Variants in CNTNAP5 observed in about 807,000 individuals in gnomAD.
CNTNAP5 encodes the protein contactin-associated protein-like 5.
A neutral mutation model predicts 150.2 loss-of-function variants in CNTNAP5; 72 were observed. That is an observed-to-expected ratio of 0.48 (90% CI 0.40 to 0.58). CNTNAP5 has a LOEUF of 0.58. Among genes scored for constraint, CNTNAP5 ranks in the 20% least tolerant of loss-of-function variants. The pLI, the probability that CNTNAP5 is intolerant of heterozygous loss-of-function variation, is 0.00. For synonymous variants in CNTNAP5, 672 were observed against 619.8 expected, an observed-to-expected ratio of 1.08 and a Z score of -1.25; for missense variants, 1,636 against 1,626.2, an observed-to-expected ratio of 1.01 and a Z score of -0.10.
At chr2:124,472,999 G>A (rs1693553054) in intron 6 of CNTNAP5, among the ~76,000 whole-genome samples, 2 of 151,924 alleles carry the variant, frequency 1.3e-5, no homozygotes, top group African/African-American at 4.8e-5. Flanking sequence ...AATAACTAAA[G>A]AGTATATGAT....
At chr2:124,407,469 C>A (rs913780540) in intron 3 of CNTNAP5, among the ~76,000 whole-genome samples, 1 of 152,058 alleles carries the variant, frequency 6.6e-6, no homozygotes, top group East Asian at 1.9e-4. Flanking sequence ...TGGCAGGATA[C>A]TAGAAAGAAA....
intron 3 of CNTNAP5, among the ~76,000 whole-genome samples, chr2:124,253,076 A>G (rs1001642278): frequency 7.9e-5 from 12 of 151,804 alleles, no homozygotes; most frequent in African/African-American, 2.9e-4. Flanking sequence ...AGATTTAAAT[A>G]CAGTAAGTTC....
rs189817679 is a variant in CNTNAP5 at position 124,897,439 on chromosome 2, G to A, written c.3437-5443G>A. 1.4e-3 allele frequency among the ~76,000 whole-genome samples: 205 copies of A among 151,608 alleles called. 6 individuals are homozygous for A. The highest frequency in any genetic ancestry group is 4.9e-3 in the African/African-American group (199 of 40,988). ...AGTCCACTATCAAACATGGAGCTGT[G>A]TCTAGGTGGCCAATAATTAGATGTA... is the stretch of plus-strand genomic sequence containing the variant. On this transcript the variant is annotated intron_variant, in intron 21 of 23. Coordinates refer to ENST00000682447, the MANE Select transcript of CNTNAP5 (RefSeq NM_001367498.1).
intron 7 of CNTNAP5, among the ~76,000 whole-genome samples, chr2:124,500,062 A>G (rs990799421): frequency 6.6e-6 from 1 of 152,100 alleles, no homozygotes; most frequent in Non-Finnish European, 1.5e-5. Context: ...AGGAAAAAAA[A>G]AAGTACAAAT....
chr2:124,475,829 T>C (rs778350747), intron 7 of CNTNAP5, among the ~76,000 whole-genome samples: 11 of 152,158 alleles, frequency 7.2e-5, no homozygotes, highest in Non-Finnish European at 1.2e-4. Flanking sequence ...TCATGTTTTT[T>C]AATTCATGCT....
intron 1 of CNTNAP5, among the ~76,000 whole-genome samples, chr2:124,044,889 A>AACACAC (rs147761848): frequency 0.049 from 7,043 of 143,960 alleles, 221 homozygotes; most frequent in South Asian, 0.14. Context: ...GTAGTGAGGA[A>AACACAC]ACACACACAC....
At chr2:124,841,241 T>G (rs1682938762) in intron 19 of CNTNAP5, among the ~76,000 whole-genome samples, 2 of 152,038 alleles carry the variant, frequency 1.3e-5, no homozygotes, top group Admixed American at 6.6e-5. Context: ...TAAAAAAAAG[T>G]CATAGCTCAA....
intron 19 of CNTNAP5, among the ~76,000 whole-genome samples, chr2:124,847,413 C>T (rs956095022): frequency 6.6e-6 from 1 of 152,112 alleles, no homozygotes; most frequent in African/African-American, 2.4e-5. Flanking sequence ...AGTCACAGGC[C>T]TCACCCCACT....
At chr2:124,563,740 T>C (rs1695946908) in intron 11 of CNTNAP5, among the ~76,000 whole-genome samples, 2 of 152,218 alleles carry the variant, frequency 1.3e-5, no homozygotes, top group African/African-American at 2.4e-5. Flanking sequence ...ATACCCATCA[T>C]GCATGACAAA....
chr2:124,287,255 TG>T (rs951690067), intron 3 of CNTNAP5, among the ~76,000 whole-genome samples: 4 of 152,178 alleles, frequency 2.6e-5, no homozygotes, highest in African/African-American at 9.7e-5. Flanking sequence ...AATGAGGAAA[TG>T]GGGTTCATGG....
At chr2:124,653,242 A>T (rs1678359668) in intron 13 of CNTNAP5, among the ~76,000 whole-genome samples, 1 of 152,172 alleles carries the variant, frequency 6.6e-6, no homozygotes, top group Non-Finnish European at 1.5e-5. Flanking sequence ...AAGGGACAGC[A>T]TGCTATTTAT....
intron 3 of CNTNAP5, among the ~76,000 whole-genome samples, chr2:124,317,019 A>C (rs1352090294): frequency 3.3e-5 from 5 of 152,044 alleles, no homozygotes; most frequent in Admixed American, 3.3e-4. Context: ...TGGGTTTTAG[A>C]AAGGTTATGT....
intron 22 of CNTNAP5, among the ~76,000 whole-genome samples, chr2:124,906,854 T>A (rs924234161): frequency 6.6e-6 from 1 of 152,180 alleles, no homozygotes; most frequent in African/African-American, 2.4e-5. Flanking sequence ...TTCTTTCAGG[T>A]AATTCTTGTG....
At chr2:124,717,261 C>T (rs981237417) in intron 13 of CNTNAP5, among the ~76,000 whole-genome samples, 24 of 152,234 alleles carry the variant, frequency 1.6e-4, no homozygotes, top group Non-Finnish European at 2.5e-4. Flanking sequence ...TCAGAGGCTG[C>T]GTGCTGCCAG....
chr2:124,808,780 G>A (rs1026475091), intron 19 of CNTNAP5, among the ~76,000 whole-genome samples: 6 of 152,086 alleles, frequency 3.9e-5, no homozygotes, highest in Admixed American at 6.5e-5. Flanking sequence ...TTCCTGTTCA[G>A]GCTAATATGC....
At position 124,860,281 on chromosome 2, in the gene CNTNAP5, C is replaced by T. The variant is rs185617278; in HGVS notation, c.3218-5025C>T. On this transcript the variant is annotated intron_variant, in intron 19 of 23. Transcript: ENST00000682447. ...AGGAGAATGGTGTGAACCCGGGAGG[C>T]GGAGCTTGCAGTGAGCCGAGATAGT... Among the ~76,000 whole-genome samples, 757 of 151,662 alleles carry T rather than the reference C, an allele frequency of 5.0e-3. 9 individuals carry two copies. The highest frequency in any genetic ancestry group is 0.017 in the African/African-American group (715 of 41,332).
At chr2:124,860,460 C>G (rs1460299291) in intron 19 of CNTNAP5, among the ~76,000 whole-genome samples, 1 of 29,102 alleles carries the variant, frequency 3.4e-5, no homozygotes, top group Non-Finnish European at 7.5e-5. Flanking sequence ...TCTTTCCTTC[C>G]TTCCTTCCTT....
intron 3 of CNTNAP5, among the ~76,000 whole-genome samples, chr2:124,363,080 G>A (rs994224636): frequency 6.6e-6 from 1 of 152,176 alleles, no homozygotes; most frequent in African/African-American, 2.4e-5. Context: ...ACTTGTGACA[G>A]TTGTGGTGAG....
intron 1 of CNTNAP5, among the ~76,000 whole-genome samples, chr2:124,202,754 T>G (rs1436171574): frequency 3.3e-5 from 5 of 152,028 alleles, no homozygotes; most frequent in Non-Finnish European, 7.4e-5. Flanking sequence ...GACCATTAGA[T>G]TTTGTGAGAC....
Sources: allele counts gnomAD v4.1 joint callset (sites outside exome capture counted in the v4.1 genomes callset), GRCh38; gene constraint gnomAD v4.1.1; transcripts MANE v1.5; gene names NCBI Gene and HGNC (gene_info 2026-07-23, HGNC 2026-07-21).